The following ITGAE variants were observed in gnomAD, a reference collection of about 807,000 sequenced individuals.
ITGAE encodes the protein integrin alpha-E.
ITGAE carries 99 observed loss-of-function variants against 136.5 expected under a neutral mutation model. That is an observed-to-expected ratio of 0.73 (90% confidence interval 0.62 to 0.86). The LOEUF is 0.86. ITGAE is among the 40% of genes least tolerant of loss of function. The probability of loss-of-function intolerance (pLI) is 0.00; values close to 1 mark genes in which losing one functional copy is unlikely to be tolerated. For synonymous variants in ITGAE, 613 were observed against 591.8 expected, an observed-to-expected ratio of 1.04 and a Z score of -0.52; for missense variants, 1,447 against 1,515.3, an observed-to-expected ratio of 0.95 and a Z score of 0.75.
In ITGAE at chr17:3,760,188, T is replaced by C. The variant is rs150916593; in HGVS notation, c.698A>G (p.Tyr233Cys). ...GAAGCCCACCTCAAAACACTTTTCA[T>C]AGAAGTTCCTCATCATGTTGGAGAT... ...DFISNMMRNF[Y>C]EKCFECNFAL... The change falls in exon 7 of 31, where the codon TAT (tyrosine) becomes TGT (cysteine). Residue 233 changes from tyrosine (Y) to cysteine (C), a missense_variant. By Grantham distance (194) the Tyr-to-Cys change is radical. Transcript: ENST00000263087. 23 of 1,611,438 alleles carry C rather than the reference T, an allele frequency of 1.4e-5. No homozygotes were observed. The highest frequency in any genetic ancestry group is 2.7e-5 in the African/African-American group (2 of 74,882).
intron 23 of ITGAE, among the ~76,000 whole-genome samples, chr17:3,730,663 A>G (rs1035730846): frequency 6.6e-6 from 1 of 152,068 alleles, no homozygotes; most frequent in African/African-American, 2.4e-5. Context: ...TCTACCCACC[A>G]GATGTCCTAC....
intron 26 of ITGAE, among the ~76,000 whole-genome samples, chr17:3,727,486 G>A (rs1175730720): frequency 6.6e-6 from 1 of 150,644 alleles, no homozygotes; most frequent in African/African-American, 2.4e-5. Context: ...TGCAAGCTCC[G>A]CCTCCCGGGC....
At chr17:3,715,853 T>TA (rs2050932111) in intron 30 of ITGAE, among the ~76,000 whole-genome samples, 1 of 151,906 alleles carries the variant, frequency 6.6e-6, no homozygotes, top group African/African-American at 2.4e-5. Context: ...ACAAAGACCC[T>TA]GGTGTTTATT....
chr17:3,761,564 C>T (rs773822123), intron 4 of ITGAE, 44 bp from the exon 5 acceptor site: 11 of 1,531,884 alleles, frequency 7.2e-6, no homozygotes, highest in Middle Eastern at 1.8e-4. Context: ...GGTCACCTCC[C>T]GATTCCCGAG....
At chr17:3,797,358 A>G (rs760304228) in intron 1 of ITGAE, among the ~76,000 whole-genome samples, 498 of 149,550 alleles carry the variant, frequency 3.3e-3, no homozygotes, top group South Asian at 5.7e-3. Context: ...GTAGAGACGG[A>G]GTTTCACTGT....
chr17:3,760,978 T>TA, intron 6 of ITGAE, 35 bp downstream of exon 6: 1 of 1,579,714 alleles, frequency 6.3e-7, no homozygotes, highest in Non-Finnish European at 8.6e-7. Flanking sequence ...TTGGCTCTGA[T>TA]AGACTCAGAG....
At chr17:3,760,356 G>T (rs1328246766) in intron 6 of ITGAE, 69 bp from the exon 7 acceptor site, 3 of 823,242 alleles carry the variant, frequency 3.6e-6, no homozygotes, top group South Asian at 1.5e-5. Flanking sequence ...CATGTGTAGG[G>T]CATGCACCCC....
In ITGAE at chr17:3,801,165, C is replaced by T; in HGVS notation, c.-21G>A. The T allele has an allele frequency of 6.2e-7, 1 of 1,609,378 alleles. No homozygotes were observed. Among genetic ancestry groups the T allele is most frequent in the Non-Finnish European group, 8.5e-7 (1 of 1,179,920 alleles). On this transcript the variant is annotated 5_prime_UTR_variant, in exon 1 of 31. Coordinates refer to ENST00000263087, the MANE Select transcript of ITGAE (RefSeq NM_002208.5). The stretch of plus-strand genomic sequence containing the variant: ...CACATCCTTGCTGGAGCAGAGGCGG[C>T]TGTGTGGGAGCCGAGGCGAGTGCGA...
intron 1 of ITGAE, among the ~76,000 whole-genome samples, chr17:3,782,790 C>G (rs1186662179): frequency 6.6e-6 from 1 of 152,116 alleles, no homozygotes; most frequent in East Asian, 1.9e-4. Context: ...GGCAACACTC[C>G]TTTTTTTGGT....
intron 26 of ITGAE, chr17:3,726,586 G>C: frequency 2.2e-6 from 1 of 449,412 alleles, no homozygotes. Flanking sequence ...CCAGCTACTC[G>C]GGAGGCTGAG....
intron 26 of ITGAE, chr17:3,724,536 G>A (rs1286125167): frequency 6.2e-7 from 1 of 1,614,040 alleles, no homozygotes; most frequent in East Asian, 2.2e-5. Context: ...AGCCTCAGCC[G>A]TCCCGAGCGG....
rs889416372 is a variant in ITGAE, at chr17:3,724,281, C to T, written c.3085-537G>A. ...AAGCCTAACCGTGACCCCAAGACGCCTGGGGCTGCGAGCTCGGCCCCCGCA... is the reference window on the plus strand; with the variant it reads ...AAGCCTAACCGTGACCCCAAGACGCTTGGGGCTGCGAGCTCGGCCCCCGCA... On this transcript the variant is annotated intron_variant, in intron 26 of 30. Transcript: ENST00000263087. 5 of 1,588,662 alleles carry T rather than the reference C, an allele frequency of 3.1e-6. No homozygotes were observed. The African/African-American group carries it at 6.7e-5, about 21-fold the overall frequency.
At chr17:3,772,929 G>C (rs957642803) in intron 2 of ITGAE, among the ~76,000 whole-genome samples, 3 of 152,086 alleles carry the variant, frequency 2.0e-5, no homozygotes, top group African/African-American at 7.2e-5. Context: ...GCAGTCCTTC[G>C]GCAACCAGCT....
intron 2 of ITGAE, among the ~76,000 whole-genome samples, chr17:3,772,005 G>A (rs1456661248): frequency 2.6e-5 from 4 of 151,526 alleles, no homozygotes; most frequent in Non-Finnish European, 4.4e-5. Context: ...TGGGTGACGA[G>A]GCACCACCAC....
rs368616963 is a variant in ITGAE, at chr17:3,727,903, A to C, written c.3084+16T>G. On this transcript the variant is annotated intron_variant, in intron 26 of 30. Transcript: ENST00000263087. ...GTGGAAAGAGGTGTGACTGATAAAG[A>C]ACTGCCTTTAAATACCTGAGTCCTC... is the stretch of plus-strand genomic sequence containing the variant. The C allele has an allele frequency of 6.7e-7, 1 of 1,501,228 alleles. No individual in the cohort carries two copies. The highest frequency in any genetic ancestry group is 9.3e-7 in the Non-Finnish European group (1 of 1,077,756). The allele number at this position is 1,501,228 out of a possible 1,614,324, so 93.0% of individuals were successfully genotyped here.
chr17:3,773,097 A>G (rs1316606342), intron 2 of ITGAE, among the ~76,000 whole-genome samples: 3 of 152,152 alleles, frequency 2.0e-5, no homozygotes, highest in Non-Finnish European at 4.4e-5. Flanking sequence ...TCGACCAAAC[A>G]ACCATATCAG....
In ITGAE at chr17:3,790,511, A is replaced by AACACAC. The variant is rs144084191; in HGVS notation, c.34+10594_34+10599dup. ...ATAGAGCAAGACTCCGTCTCAAACA[A>AACACAC]ACACACACACACACACACACAAAAG... On this transcript the variant is annotated intron_variant, in intron 1 of 30. Transcript: ENST00000263087. Among the ~76,000 whole-genome samples, 34 of 60,370 alleles carry AACACAC rather than the reference A, an allele frequency of 5.6e-4. No individual in the cohort carries two copies. The African/African-American group carries it at 6.6e-3, about 12-fold the overall frequency. 39.6% of individuals were successfully genotyped at this position (60,370 alleles called of 152,430 possible).
intron 1 of ITGAE, among the ~76,000 whole-genome samples, chr17:3,778,616 CTTCT>C (rs1303264814): frequency 6.6e-6 from 1 of 152,016 alleles, no homozygotes; most frequent in African/African-American, 2.4e-5. Flanking sequence ...TTAGGTCTTC[CTTCT>C]TTCTTCTCAT....
chr17:3,729,560 G>A lies in ITGAE; in HGVS notation c.2835-5C>T. On this transcript the variant is annotated splice_polypyrimidine_tract_variant and splice_region_variant and intron_variant, in intron 23 of 30. Coordinates refer to ENST00000263087, the MANE Select transcript of ITGAE (RefSeq NM_002208.5). ...AAAGACCGTCTTTCATTGGAACTAG[G>A]AATAAGAGTGTTAGTTCATAGCACA... The A allele has an allele frequency of 6.4e-7, 1 of 1,550,610 alleles. No homozygotes were observed. The highest frequency in any genetic ancestry group is 1.7e-4 in the Middle Eastern group (1 of 5,948).
Sources: gnomAD v4.1 joint callset for allele counts (sites outside exome capture counted in the v4.1 genomes callset) on GRCh38, gnomAD v4.1.1 for gene constraint, MANE v1.5 for transcripts, NCBI Gene and HGNC (gene_info 2026-07-23, HGNC 2026-07-21) for gene names.